Variants in SGCZ observed in about 807,000 individuals in gnomAD.
The protein encoded by SGCZ is zeta-sarcoglycan.
In SGCZ, 40 loss-of-function variants were observed where a neutral mutation model predicts 41.3. The observed-to-expected ratio is 0.97, with a 90% CI of 0.75 to 1.26. The LOEUF (loss-of-function observed/expected upper bound fraction) is 1.26. Ranked by LOEUF, SGCZ falls within the 50% of genes most tolerant of loss-of-function variation. SGCZ has a pLI of 0.00. For missense variants in SGCZ, 552 were observed against 369.8 expected, an observed-to-expected ratio of 1.49 and a Z score of -4.04; for synonymous variants, 206 against 137.5, an observed-to-expected ratio of 1.50 and a Z score of -3.49.
At chr8:14,268,916 A>G (rs1799966284) in intron 3 of SGCZ, among the ~76,000 whole-genome samples, 1 of 151,782 alleles carries the variant, frequency 6.6e-6, no homozygotes, top group African/African-American at 2.4e-5. Context: ...GAAATATAAT[A>G]CATATTTTTA....
chr8:14,353,968 T>A (rs1803197240), intron 2 of SGCZ, among the ~76,000 whole-genome samples: 1 of 152,110 alleles, frequency 6.6e-6, no homozygotes, highest in African/African-American at 2.4e-5. Context: ...TATTCCTGAA[T>A]CTAGTTCTCA....
At chr8:14,632,980 T>C (rs1178463843) in intron 1 of SGCZ, among the ~76,000 whole-genome samples, 1 of 151,822 alleles carries the variant, frequency 6.6e-6, no homozygotes, top group African/African-American at 2.4e-5. Flanking sequence ...GTGAATTATA[T>C]ATATATATTA....
At chr8:14,846,884 A>C (rs1039912766) in intron 1 of SGCZ, among the ~76,000 whole-genome samples, 18 of 151,876 alleles carry the variant, frequency 1.2e-4, no homozygotes, top group African/African-American at 4.4e-4. Context: ...AGCCTGGGCA[A>C]CTCGGTGAAA....
chr8:14,851,690 A>G (rs1585318357), intron 1 of SGCZ, among the ~76,000 whole-genome samples: 1 of 152,298 alleles, frequency 6.6e-6, no homozygotes, highest in South Asian at 2.1e-4. Context: ...GAGGTAATCC[A>G]TTTATAGAAC....
chr8:14,201,549 G>C (rs953677457), intron 4 of SGCZ, among the ~76,000 whole-genome samples: 2 of 152,134 alleles, frequency 1.3e-5, no homozygotes, highest in Non-Finnish European at 2.9e-5. Context: ...TTGTGTGATT[G>C]TATTTATGTA....
At chr8:14,782,068 C>G (rs928359610) in intron 1 of SGCZ, among the ~76,000 whole-genome samples, 3 of 152,112 alleles carry the variant, frequency 2.0e-5, no homozygotes, top group African/African-American at 4.8e-5. Context: ...GTACAATGTC[C>G]TTTTGATACC....
intron 1 of SGCZ, among the ~76,000 whole-genome samples, chr8:14,737,208 T>G (rs1799065102): frequency 1.3e-5 from 2 of 149,916 alleles, no homozygotes. Context: ...ATGGGATAAA[T>G]GATATTTTTC....
At chr8:14,632,619 C>T (rs190385152) in intron 1 of SGCZ, among the ~76,000 whole-genome samples, 3 of 152,158 alleles carry the variant, frequency 2.0e-5, no homozygotes, top group African/African-American at 4.8e-5. Flanking sequence ...TTACTGAATA[C>T]TTTTCAGATC....
intron 7 of SGCZ, among the ~76,000 whole-genome samples, chr8:14,101,244 A>C (rs964018944): frequency 6.6e-6 from 1 of 152,156 alleles, no homozygotes; most frequent in Non-Finnish European, 1.5e-5. Context: ...GACCTGAATA[A>C]GTCAGTGGCA....
intron 1 of SGCZ, among the ~76,000 whole-genome samples, chr8:14,898,060 C>T (rs926230799): frequency 3.3e-5 from 5 of 151,798 alleles, no homozygotes; most frequent in Admixed American, 1.3e-4. Flanking sequence ...TTATACTGGG[C>T]CATCCAATAA....
Position 15,214,689 on chromosome 8 carries a change from T to C in SGCZ, c.39+22896A>G, listed in dbSNP as rs183813360. The stretch of plus-strand genomic sequence containing the variant: ...ACAATTTATCTTCCTAAGGGAGGCA[T>C]ATTCCTCACAGAGGTCATATTTAAG... On this transcript the variant is annotated intron_variant, in intron 1 of 7. Coordinates refer to ENST00000382080, the MANE Select transcript of SGCZ (RefSeq NM_139167.4). Among the ~76,000 whole-genome samples the C allele has an allele frequency of 1.3e-3, 200 of 152,280 alleles. 2 individuals are homozygous for C. In the South Asian group the frequency reaches 0.021, roughly 16 times the overall value.
intron 1 of SGCZ, among the ~76,000 whole-genome samples, chr8:14,601,156 G>A (rs764972450): frequency 1.9e-4 from 29 of 151,706 alleles, no homozygotes; most frequent in Non-Finnish European, 3.4e-4. Context: ...TATTTGGTAG[G>A]TTCAATAACA....
At chr8:14,532,828 A>G (rs930305494) in intron 2 of SGCZ, among the ~76,000 whole-genome samples, 1 of 151,706 alleles carries the variant, frequency 6.6e-6, no homozygotes, top group Non-Finnish European at 1.5e-5. Flanking sequence ...CTCACTACTA[A>G]TAATTTGAAT....
chr8:14,719,348 T>C (rs111678054), intron 1 of SGCZ, among the ~76,000 whole-genome samples: 14 of 150,558 alleles, frequency 9.3e-5, no homozygotes, highest in Non-Finnish European at 1.3e-4. Flanking sequence ...GCATGATTTA[T>C]AGTCCTTTGG....
At chr8:14,668,341 G>T (rs938631428) in intron 1 of SGCZ, among the ~76,000 whole-genome samples, 5 of 152,136 alleles carry the variant, frequency 3.3e-5, no homozygotes, top group South Asian at 2.1e-4. Flanking sequence ...TGAATATATG[G>T]TTTTTTCAGT....
chr8:14,213,586 C>G (rs1316687111), intron 4 of SGCZ, among the ~76,000 whole-genome samples: 2 of 151,694 alleles, frequency 1.3e-5, no homozygotes, highest in African/African-American at 4.8e-5. Context: ...ATGCTATTAG[C>G]ACGCTTTAAA....
At chr8:14,969,276 G>A (rs555658091) in intron 1 of SGCZ, among the ~76,000 whole-genome samples, 2 of 152,148 alleles carry the variant, frequency 1.3e-5, no homozygotes, top group African/African-American at 2.4e-5. Context: ...TAGGCCACTG[G>A]CCTAATTGTG....
At chr8:14,670,352 A>C (rs562111900) in intron 1 of SGCZ, among the ~76,000 whole-genome samples, 22 of 152,236 alleles carry the variant, frequency 1.4e-4, no homozygotes, top group African/African-American at 4.8e-4. Flanking sequence ...TCTGTACTTC[A>C]ATTTATATCT....
chr8:14,702,929 A>AGG (rs1809210483), intron 1 of SGCZ, among the ~76,000 whole-genome samples: 1 of 56,848 alleles, frequency 1.8e-5, no homozygotes, highest in African/African-American at 5.6e-5. Context: ...AGGTAGGTAG[A>AGG]TAGATAGATA....
Sources: gnomAD v4.1 joint callset for allele counts (sites outside exome capture counted in the v4.1 genomes callset) on GRCh38, gnomAD v4.1.1 for gene constraint, MANE v1.5 for transcripts, NCBI Gene and HGNC (gene_info 2026-07-23, HGNC 2026-07-21) for gene names.